SLC38A1: variants seen among roughly 807,000 people sequenced by gnomAD.
The protein encoded by SLC38A1 is solute carrier family 38 member 1, also known as sodium-coupled neutral amino acid symporter 1.
A neutral mutation model predicts 60.3 loss-of-function variants in SLC38A1; 18 were observed. That is an observed-to-expected ratio of 0.30 (90% CI 0.21 to 0.44). SLC38A1 has a LOEUF of 0.44. SLC38A1 is among the 20% of genes least tolerant of loss of function. The pLI is 1.00. For missense variants in SLC38A1, 448 were observed against 587.2 expected (o/e 0.76, Z 2.45); for synonymous variants, 196 against 212.1 (o/e 0.92, Z 0.66).
chr12:46,186,768 A>C lies in SLC38A1; in HGVS notation c.*2202T>G, dbSNP rs560348892. On this transcript the variant is annotated 3_prime_UTR_variant, in exon 17 of 17. Coordinates refer to ENST00000398637, the MANE Select transcript of SLC38A1 (RefSeq NM_030674.4). ...CCCAGAGGCCCAAAAATATCACTAC[A>C]CATCCCAGTTAATGATAAGGTTCTA... 9.8e-5 allele frequency: 15 copies of C among 152,370 alleles called. No individual in the cohort carries two copies. The highest frequency in any genetic ancestry group is 1.9e-4 in the Non-Finnish European group (13 of 68,038). 9.4% of individuals were successfully genotyped at this position (152,370 alleles called of 1,614,324 possible).
chr12:46,224,285 A>G (rs1441777182), intron 5 of SLC38A1, among the ~76,000 whole-genome samples: 1 of 152,150 alleles, frequency 6.6e-6, no homozygotes, highest in African/African-American at 2.4e-5. Flanking sequence ...CTGCAGAACT[A>G]TGATAAATCG....
rs951612671 is a variant in SLC38A1 at position 46,202,683 on chromosome 12, C to T, written c.902+327G>A. ...AAGATTATCACCCACTTGCAAAATA[C>T]GCATACGTAATGGAAAGCAACACAA... On this transcript the variant is annotated intron_variant, in intron 12 of 16. Coordinates refer to ENST00000398637, the MANE Select transcript of SLC38A1 (RefSeq NM_030674.4). Among the ~76,000 whole-genome samples, 4 of 152,268 alleles carry T rather than the reference C, an allele frequency of 2.6e-5. No homozygotes were observed. The East Asian group carries it at 7.7e-4, about 29-fold the overall frequency.
chr12:46,211,058 T>C (rs918812848), intron 5 of SLC38A1, among the ~76,000 whole-genome samples: 1 of 152,070 alleles, frequency 6.6e-6, no homozygotes, highest in Non-Finnish European at 1.5e-5. Flanking sequence ...AATTGTGGCA[T>C]GATTTTTTTT....
rs890875553 is a variant in SLC38A1 at position 46,197,993 on chromosome 12, G to C, written c.1190C>G (p.Thr397Ser). Residue 397 changes from threonine (T) to serine (S), a missense_variant, in exon 15 of 17, where the codon ACC becomes AGC. Thr to Ser is a moderately conservative substitution (Grantham distance 58). Around this residue, in one of 2 missense-constraint regions of SLC38A1, gnomAD observed 346 missense variants for 497.5 expected, o/e 0.70. Transcript: ENST00000398637. ...GTTGATAACAACCAAGAGTATGCAG[G>C]TAACCACGGTATGACGACATAAATT... ...KFNLCRHTVV[T>S]CILLVVINLL... 1.3e-5 allele frequency: 21 copies of C among 1,613,818 alleles called. No individual in the cohort carries two copies. The highest frequency in any genetic ancestry group is 1.7e-5 in the Non-Finnish European group (20 of 1,179,906).
intron 1 of SLC38A1, among the ~76,000 whole-genome samples, chr12:46,261,566 G>C (rs764706726): frequency 1.1e-4 from 16 of 152,092 alleles, no homozygotes; most frequent in Non-Finnish European, 2.1e-4. Context: ...TCTTCCCATG[G>C]AAAACAAAAC....
chr12:46,212,719 C>A (rs1432059250), intron 5 of SLC38A1, among the ~76,000 whole-genome samples: 2 of 152,150 alleles, frequency 1.3e-5, no homozygotes, highest in Non-Finnish European at 2.9e-5. Flanking sequence ...TCAGAGAGAA[C>A]CTAGTCCAGC....
chr12:46,203,134 A>G, intron 11 of SLC38A1, 45 bp from the exon 12 acceptor site: 1 of 1,496,470 alleles, frequency 6.7e-7, no homozygotes. Context: ...CACTTTTACC[A>G]TAAAAAGGAC....
intron 5 of SLC38A1, among the ~76,000 whole-genome samples, chr12:46,212,215 G>A (rs1226678884): frequency 1.3e-5 from 2 of 152,200 alleles, no homozygotes; most frequent in African/African-American, 4.8e-5. Context: ...GCATGATTAT[G>A]CCCCTAATTG....
chr12:46,210,240 A>G lies in SLC38A1; in HGVS notation c.315-1113T>C, dbSNP rs7978240. On this transcript the variant is annotated intron_variant, in intron 5 of 16. Transcript: ENST00000398637. Reference sequence around the variant, plus strand: ...CAGAATGACTGCTCCTCAGCTGTCTATGATCCTACAGTGTTTTGTTTCTCC... The same window carrying G: ...CAGAATGACTGCTCCTCAGCTGTCTGTGATCCTACAGTGTTTTGTTTCTCC... Among the ~76,000 whole-genome samples the G allele has an allele frequency of 8.2e-3, 1,244 of 152,278 alleles. 20 individuals are homozygous for G. Among genetic ancestry groups the G allele is most frequent in the African/African-American group, 0.028 (1,151 of 41,544 alleles).
intron 3 of SLC38A1, among the ~76,000 whole-genome samples, chr12:46,235,168 A>T (rs1455651013): frequency 6.6e-6 from 1 of 152,236 alleles, no homozygotes; most frequent in East Asian, 1.9e-4. Context: ...CAAGAAACAG[A>T]GAGGCAAGAA....
chr12:46,237,558 C>T (rs1023911644), intron 3 of SLC38A1, among the ~76,000 whole-genome samples: 2 of 151,818 alleles, frequency 1.3e-5, no homozygotes, highest in African/African-American at 4.9e-5. Flanking sequence ...ACAGACCTCC[C>T]TCTGTACCAA....
chr12:46,198,690 T>C lies in SLC38A1; in HGVS notation c.1057A>G (p.Ile353Val), dbSNP rs770517681. 6.2e-7 allele frequency: 1 copy of C among 1,613,204 alleles called. No individual in the cohort carries two copies. The highest frequency in any genetic ancestry group is 1.3e-5 in the African/African-American group (1 of 74,872). ...HKYQSKDDIL[I>V]LTVRLAVIVA... ...ATGACAGCCAGCCGCACTGTCAGGA[T>C]GAGAATGTCATCTTTACTCTGATAT... Residue 353 changes from isoleucine (I) to valine (V), a missense_variant, in exon 14 of 17, where the codon ATC becomes GTC. Around this residue, in one of 2 missense-constraint regions of SLC38A1, gnomAD observed 346 missense variants for 497.5 expected, o/e 0.70. Transcript: ENST00000398637.
intron 3 of SLC38A1, among the ~76,000 whole-genome samples, chr12:46,237,764 G>C (rs1478128900): frequency 1.3e-5 from 2 of 151,790 alleles, no homozygotes; most frequent in Non-Finnish European, 2.9e-5. Context: ...CACCTTTAAG[G>C]CCCTTGAGGT....
At chr12:46,252,114 T>C (rs940691130) in intron 1 of SLC38A1, among the ~76,000 whole-genome samples, 13 of 152,006 alleles carry the variant, frequency 8.6e-5, no homozygotes, top group African/African-American at 2.9e-4. Context: ...ATAGACTGGA[T>C]TAAGAAAATG....
Position 46,268,972 on chromosome 12 carries a change from A to G in SLC38A1, c.-655T>C, listed in dbSNP as rs1308667072. 6 of 420,204 alleles carry G rather than the reference A, an allele frequency of 1.4e-5. No individual in the cohort carries two copies. The highest frequency in any genetic ancestry group is 5.0e-5 in the Admixed American group (2 of 39,896). 26.0% of individuals were successfully genotyped at this position (420,204 alleles called of 1,614,324 possible). A position where few individuals can be genotyped will look rare whatever the true frequency, so the allele number is the denominator to read the frequency against. On this transcript the variant is annotated 5_prime_UTR_variant, in exon 1 of 17. An upstream start codon of the reference 5' UTR is lost. Transcript: ENST00000398637. This position sits in a 1 kb window ranked among gnomAD's most constrained non-coding sequence, Gnocchi z 4.4. ...TGTGATGGTTTAACGCGGACAGGCC[A>G]TTCCTCCCCGTCCCGCGCGCGGTCT... is the stretch of plus-strand genomic sequence containing the variant.
Position 46,187,989 on chromosome 12 carries a change from C to T in SLC38A1, c.*981G>A, listed in dbSNP as rs1206803858. 3 of 152,054 alleles carry T rather than the reference C, an allele frequency of 2.0e-5. No individual in the cohort carries two copies. The highest frequency in any genetic ancestry group is 4.4e-5 in the Non-Finnish European group (3 of 68,010). 9.4% of individuals were successfully genotyped at this position (152,054 alleles called of 1,614,324 possible). ...CATCCTTAGTTAGGTACACATGATT[C>T]TCTGTGCAACTAGCTGGTGGACATG... On this transcript the variant is annotated 3_prime_UTR_variant, in exon 17 of 17. Coordinates refer to ENST00000398637, the MANE Select transcript of SLC38A1 (RefSeq NM_030674.4).
intron 2 of SLC38A1, among the ~76,000 whole-genome samples, chr12:46,242,664 G>A (rs1941484623): frequency 6.6e-6 from 1 of 152,136 alleles, no homozygotes; most frequent in African/African-American, 2.4e-5. Flanking sequence ...TTAGCTGGGT[G>A]TGTAGCACGT....
intron 16 of SLC38A1, among the ~76,000 whole-genome samples, chr12:46,194,659 C>T (rs1156426823): frequency 6.6e-6 from 1 of 152,130 alleles, no homozygotes; most frequent in Non-Finnish European, 1.5e-5. Context: ...GTATTCTTCT[C>T]ACTTTATTTC....
At chr12:46,259,310 C>G (rs1313703720) in intron 1 of SLC38A1, among the ~76,000 whole-genome samples, 13 of 152,124 alleles carry the variant, frequency 8.5e-5, no homozygotes, top group Non-Finnish European at 1.3e-4. Flanking sequence ...TGATAAGGAT[C>G]TAAGAACTAA....
Sources: gnomAD v4.1 joint callset for allele counts (sites outside exome capture counted in the v4.1 genomes callset) on GRCh38, gnomAD v4.1.1 for gene constraint, gnomAD v4.1.1 regional missense constraint, Gnocchi (gnomAD v3.1) non-coding constraint, MANE v1.5 for transcripts, NCBI Gene and HGNC (gene_info 2026-07-23, HGNC 2026-07-21) for gene names.